NRG3: variants seen among roughly 807,000 people sequenced by gnomAD.
NRG3 encodes pro-neuregulin-3, membrane-bound isoform.
A neutral mutation model predicts 66.9 loss-of-function variants in NRG3; 31 were observed. The ratio of observed to expected loss-of-function variants is 0.46; its 90% CI spans 0.35 to 0.63. NRG3 has a LOEUF of 0.63. Ranked by LOEUF, NRG3 falls within the 20% of genes least tolerant of loss-of-function variation. The probability of loss-of-function intolerance (pLI) is 0.00; values close to 1 mark genes in which losing one functional copy is unlikely to be tolerated. For synonymous variants in NRG3, 393 were observed against 359.4 expected, an observed-to-expected ratio of 1.09 and a Z score of -1.06; for missense variants, 910 against 878.9, an observed-to-expected ratio of 1.04 and a Z score of -0.45.
At chr10:82,754,632 A>T (rs959587047) in intron 3 of NRG3, among the ~76,000 whole-genome samples, 5 of 152,066 alleles carry the variant, frequency 3.3e-5, no homozygotes, top group Non-Finnish European at 5.9e-5. Context: ...AAGAAAACTT[A>T]CTATCATTTC....
intron 1 of NRG3, among the ~76,000 whole-genome samples, chr10:81,887,746 A>T (rs1252110526): frequency 6.6e-6 from 1 of 152,138 alleles, no homozygotes; most frequent in African/African-American, 2.4e-5. Context: ...GTTGGTCCAA[A>T]AGAGCCAGAA....
intron 2 of NRG3, among the ~76,000 whole-genome samples, chr10:82,479,428 GT>G (rs1842047382): frequency 6.6e-6 from 1 of 151,856 alleles, no homozygotes; most frequent in African/African-American, 2.4e-5. Flanking sequence ...GCCGGGCGCG[GT>G]GGCTCATGCC....
At chr10:82,238,043 G>A (rs1209362620) in intron 1 of NRG3, among the ~76,000 whole-genome samples, 1 of 152,016 alleles carries the variant, frequency 6.6e-6, no homozygotes, top group Non-Finnish European at 1.5e-5. Context: ...AAATTTGAAG[G>A]TACTGATTTT....
At chr10:82,982,547 C>G (rs1390001008) in intron 8 of NRG3, among the ~76,000 whole-genome samples, 2 of 152,150 alleles carry the variant, frequency 1.3e-5, no homozygotes, top group African/African-American at 4.8e-5. Context: ...TGGTGAGACA[C>G]TCACATCATG....
At chr10:82,716,021 C>T (rs762468485) in intron 2 of NRG3, among the ~76,000 whole-genome samples, 7 of 152,082 alleles carry the variant, frequency 4.6e-5, no homozygotes, top group African/African-American at 1.7e-4. Context: ...CTCCAAATAC[C>T]ATCACACTGA....
intron 1 of NRG3, among the ~76,000 whole-genome samples, chr10:82,065,435 A>G (rs951827774): frequency 6.6e-6 from 1 of 152,202 alleles, no homozygotes; most frequent in African/African-American, 2.4e-5. Flanking sequence ...GAATGAGAGT[A>G]CATATAGTGA....
chr10:81,877,881 C>T lies in NRG3; in HGVS notation c.823+1718C>T. On this transcript the variant is annotated intron_variant, in intron 1 of 8. Transcript: ENST00000372141. ...AAGGATTCATGAGTGTATGTGTGAA[C>T]ATATTCAATGGATTGAAAATGAGTC... is the stretch of plus-strand genomic sequence containing the variant. 2.6e-6 allele frequency: 4 copies of T among 1,531,594 alleles called. No homozygotes were observed. The Middle Eastern group carries it at 7.9e-4, about 302-fold the overall frequency. 94.9% of individuals were successfully genotyped at this position (1,531,594 alleles called of 1,614,324 possible). A position where few individuals can be genotyped will look rare whatever the true frequency, so the allele number is the denominator to read the frequency against.
intron 2 of NRG3, among the ~76,000 whole-genome samples, chr10:82,448,838 ATATT>A (rs148361792): frequency 0.011 from 1,614 of 152,232 alleles, 36 homozygotes; most frequent in African/African-American, 0.037. Context: ...GTGTATATAT[ATATT>A]TATTTATTTG....
At chr10:81,986,847 T>C (rs1044698842) in intron 1 of NRG3, among the ~76,000 whole-genome samples, 1 of 152,030 alleles carries the variant, frequency 6.6e-6, no homozygotes, top group Non-Finnish European at 1.5e-5. Context: ...GCTAATTTTA[T>C]TTTATTTTAT....
intron 2 of NRG3, among the ~76,000 whole-genome samples, chr10:82,471,455 G>A (rs1841252388): frequency 6.6e-6 from 1 of 152,098 alleles, no homozygotes; most frequent in African/African-American, 2.4e-5. Flanking sequence ...CATTCTGAAG[G>A]CATTTCTTAA....
chr10:82,268,280 C>G (rs1305332815), intron 1 of NRG3, among the ~76,000 whole-genome samples: 1 of 152,086 alleles, frequency 6.6e-6, no homozygotes, highest in East Asian at 1.9e-4. Context: ...ACTGTGAGAC[C>G]TGAGGCTTCA....
intron 1 of NRG3, among the ~76,000 whole-genome samples, chr10:81,990,366 G>A (rs1589705094): frequency 6.6e-6 from 1 of 152,072 alleles, no homozygotes; most frequent in East Asian, 1.9e-4. Flanking sequence ...TTCTCCAAGG[G>A]AATATTTTTA....
chr10:82,388,437 G>T (rs553918290), intron 2 of NRG3, among the ~76,000 whole-genome samples: 1 of 152,264 alleles, frequency 6.6e-6, no homozygotes. Flanking sequence ...AAGGAAAATA[G>T]GTGGCTGTGA....
chr10:81,879,430 A>G (rs574647474), intron 1 of NRG3, among the ~76,000 whole-genome samples: 12 of 152,352 alleles, frequency 7.9e-5, no homozygotes, highest in African/African-American at 2.9e-4. Flanking sequence ...ATAGTTGTAC[A>G]ATGCTGCCAA....
intron 2 of NRG3, among the ~76,000 whole-genome samples, chr10:82,669,364 G>A (rs531836407): frequency 2.6e-5 from 4 of 151,884 alleles, no homozygotes; most frequent in Admixed American, 1.3e-4. Context: ...GGGGCAATGC[G>A]CAGTTTTCTA....
At chr10:82,628,394 C>A (rs1372129495) in intron 2 of NRG3, among the ~76,000 whole-genome samples, 3 of 152,072 alleles carry the variant, frequency 2.0e-5, no homozygotes, top group Non-Finnish European at 4.4e-5. Flanking sequence ...GGCTTAGCTG[C>A]AGCCGTGGAG....
At chr10:82,675,418 G>A (rs2053615137) in intron 2 of NRG3, among the ~76,000 whole-genome samples, 2 of 152,156 alleles carry the variant, frequency 1.3e-5, no homozygotes, top group African/African-American at 4.8e-5. Context: ...GGTGAGTCCA[G>A]GTGAAGCCAG....
intron 1 of NRG3, among the ~76,000 whole-genome samples, chr10:82,170,854 A>G (rs894897126): frequency 4.0e-5 from 6 of 150,830 alleles, no homozygotes; most frequent in Non-Finnish European, 8.9e-5. Flanking sequence ...CCCAATTGAT[A>G]TTCCAATCAG....
chr10:82,295,448 G>T (rs962093835), intron 1 of NRG3, among the ~76,000 whole-genome samples: 1 of 152,006 alleles, frequency 6.6e-6, no homozygotes, highest in African/African-American at 2.4e-5. Context: ...GTTATCGAGG[G>T]TACATTTTTA....
Sources: allele counts gnomAD v4.1 joint callset (sites outside exome capture counted in the v4.1 genomes callset), GRCh38; gene constraint gnomAD v4.1.1; transcripts MANE v1.5; gene names NCBI Gene and HGNC (gene_info 2026-07-23, HGNC 2026-07-21).